Variants in GYPC observed in about 807,000 individuals in gnomAD.
The protein encoded by GYPC is glycophorin-C.
Under a neutral mutation model 12.6 loss-of-function variants are expected in GYPC, and 14 were observed. The observed-to-expected ratio is 1.11, with a 90% CI of 0.74 to 1.74. The LOEUF is 1.74. Among genes scored for constraint, GYPC ranks in the 40% most tolerant of loss-of-function variants. GYPC has a pLI of 0.00. For missense variants in GYPC, 225 were observed against 172.1 expected (o/e 1.31, Z -1.72); for synonymous variants, 78 against 62.1 (o/e 1.26, Z -1.20).
At position 126,661,455 on chromosome 2, in the gene GYPC, C is replaced by CT. The variant is rs55662976; in HGVS notation, c.49+5157dup. On this transcript the variant is annotated intron_variant, in intron 1 of 3. Coordinates refer to ENST00000259254, the MANE Select transcript of GYPC (RefSeq NM_002101.5). ...AGCCAGATGCCCCTTCTCTCTCTCTCTTTTTTTTTTTTTTGATACGGAGTT... is the reference window on the plus strand; with the variant it reads ...AGCCAGATGCCCCTTCTCTCTCTCTCTTTTTTTTTTTTTTTGATACGGAGTT... Among the ~76,000 whole-genome samples, 922 of 145,200 alleles carry CT rather than the reference C, an allele frequency of 6.3e-3. 11 individuals are homozygous for CT. The highest frequency in any genetic ancestry group is 0.017 in the South Asian group (76 of 4,558).
rs1683292218 is a variant in GYPC, at chr2:126,686,469, A to G, written c.50-3786A>G. The G allele has an allele frequency of 3.0e-6, 3 of 985,426 alleles. No homozygotes were observed. In the African/African-American group the frequency reaches 5.2e-5, roughly 17 times the overall value. 61.0% of individuals were successfully genotyped at this position (985,426 alleles called of 1,614,324 possible). ...GCCAATGGCAAATCCCATGGATGAAAAGCCACTCCCAACTCCACAAAGATG... is the reference window on the plus strand; with the variant it reads ...GCCAATGGCAAATCCCATGGATGAAGAGCCACTCCCAACTCCACAAAGATG... On this transcript the variant is annotated intron_variant, in intron 1 of 3. Coordinates refer to ENST00000259254, the MANE Select transcript of GYPC (RefSeq NM_002101.5).
rs1284829282 is a variant in GYPC at position 126,656,185 on chromosome 2, G to C, written c.-79G>C. On this transcript the variant is annotated 5_prime_UTR_variant, in exon 1 of 4. Transcript: ENST00000259254. ...TCTCGCCGCCGAGGGTCAGGAGCCC[G>C]GGAGCGCGACCCTCCCCCGGCCCGG... The C allele has an allele frequency of 6.5e-7, 1 of 1,530,254 alleles. No individual in the cohort carries two copies. 94.8% of individuals were successfully genotyped at this position (1,530,254 alleles called of 1,614,324 possible). A position where few individuals can be genotyped will look rare whatever the true frequency, so the allele number is the denominator to read the frequency against.
At chr2:126,670,050 T>C (rs554865296) in intron 1 of GYPC, among the ~76,000 whole-genome samples, 3 of 152,212 alleles carry the variant, frequency 2.0e-5, no homozygotes, top group Non-Finnish European at 4.4e-5. Context: ...CCTCCTGCCC[T>C]GAGAGCCCCA....
In GYPC at chr2:126,669,713, G is replaced by C. The variant is rs28369978; in HGVS notation, c.49+13401G>C. 2.1e-3 allele frequency among the ~76,000 whole-genome samples: 320 copies of C among 152,298 alleles called. 2 individuals are homozygous for C. Among genetic ancestry groups the C allele is most frequent in the Non-Finnish European group, 3.7e-3 (249 of 68,034 alleles). On this transcript the variant is annotated intron_variant, in intron 1 of 3. Coordinates refer to ENST00000259254, the MANE Select transcript of GYPC (RefSeq NM_002101.5). ...GAGGAAGTCAAAATGCCTCTTTCAG[G>C]ACGTGGCGGTCACAGGAGGATGAAA...
intron 1 of GYPC, among the ~76,000 whole-genome samples, chr2:126,674,049 C>T (rs934897087): frequency 2.6e-5 from 4 of 152,206 alleles, no homozygotes; most frequent in African/African-American, 7.2e-5. Flanking sequence ...GGACACAAAG[C>T]CCGGACTCAC....
At chr2:126,687,244 C>T (rs993063182) in intron 1 of GYPC, among the ~76,000 whole-genome samples, 5 of 152,104 alleles carry the variant, frequency 3.3e-5, no homozygotes, top group East Asian at 1.9e-4. Flanking sequence ...TCCTATTTGC[C>T]CTTAAAGGAC....
At chr2:126,666,285 A>G (rs1441541814) in intron 1 of GYPC, among the ~76,000 whole-genome samples, 1 of 152,174 alleles carries the variant, frequency 6.6e-6, no homozygotes, top group African/African-American at 2.4e-5. Flanking sequence ...CTCCTGGCCA[A>G]TTCCTGGAAT....
intron 1 of GYPC, among the ~76,000 whole-genome samples, chr2:126,677,057 C>T (rs1243620042): frequency 1.3e-5 from 2 of 152,184 alleles, no homozygotes; most frequent in Non-Finnish European, 2.9e-5. Context: ...AGCCAGGCTG[C>T]CACACCCTAT....
chr2:126,662,362 C>A (rs1682556968), intron 1 of GYPC, among the ~76,000 whole-genome samples: 1 of 152,202 alleles, frequency 6.6e-6, no homozygotes, highest in South Asian at 2.1e-4. Flanking sequence ...CAGGCCTTAG[C>A]AATGCTTGAA....
intron 3 of GYPC, among the ~76,000 whole-genome samples, chr2:126,695,478 G>T (rs1254681774): frequency 6.6e-6 from 1 of 152,166 alleles, no homozygotes; most frequent in Non-Finnish European, 1.5e-5. Context: ...TGGCCTGTTT[G>T]GTGTTGGTAC....
At chr2:126,687,211 C>A (rs1034513395) in intron 1 of GYPC, among the ~76,000 whole-genome samples, 2 of 152,198 alleles carry the variant, frequency 1.3e-5, no homozygotes, top group African/African-American at 4.8e-5. Flanking sequence ...GCCTGGAATG[C>A]TTATAGGCTT....
chr2:126,668,962 G>T (rs1490693497), intron 1 of GYPC, among the ~76,000 whole-genome samples: 1 of 152,314 alleles, frequency 6.6e-6, no homozygotes, highest in South Asian at 2.1e-4. Context: ...GACTTACTGC[G>T]ATTAGTTGCT....
chr2:126,694,117 T>C (rs199573583), intron 3 of GYPC, among the ~76,000 whole-genome samples, 170 bp downstream of exon 3: 3 of 152,154 alleles, frequency 2.0e-5, no homozygotes, highest in East Asian at 1.9e-4. Flanking sequence ...TGGGTAAATA[T>C]ATATATACAT....
At chr2:126,682,801 C>T (rs967459487) in intron 1 of GYPC, among the ~76,000 whole-genome samples, 3 of 152,204 alleles carry the variant, frequency 2.0e-5, no homozygotes, top group African/African-American at 7.2e-5. Flanking sequence ...TGCCTGCTGA[C>T]CCCAGACACC....
At chr2:126,664,791 C>T (rs550331456) in intron 1 of GYPC, among the ~76,000 whole-genome samples, 1 of 152,322 alleles carries the variant, frequency 6.6e-6, no homozygotes, top group Admixed American at 6.5e-5. Flanking sequence ...TGATCCTCCT[C>T]TACGTTGGCA....
intron 1 of GYPC, 99 bp downstream of exon 1, chr2:126,656,411 C>A (rs1020711272): frequency 3.9e-6 from 4 of 1,022,976 alleles, no homozygotes; most frequent in East Asian, 2.8e-5. Flanking sequence ...CCTGGTGTCC[C>A]GGTCCGTGCC....
intron 1 of GYPC, among the ~76,000 whole-genome samples, chr2:126,672,043 A>G (rs1364017377): frequency 6.6e-6 from 1 of 152,102 alleles, no homozygotes; most frequent in African/African-American, 2.4e-5. Flanking sequence ...GCCTGGTCTG[A>G]CCAAGACACA....
At chr2:126,671,445 C>T (rs1485270054) in intron 1 of GYPC, among the ~76,000 whole-genome samples, 1 of 152,240 alleles carries the variant, frequency 6.6e-6, no homozygotes, top group Non-Finnish European at 1.5e-5. Flanking sequence ...GGAGCAACCT[C>T]TCCACGCACG....
At chr2:126,667,003 A>G (rs1324217739) in intron 1 of GYPC, among the ~76,000 whole-genome samples, 1 of 152,154 alleles carries the variant, frequency 6.6e-6, no homozygotes, top group Non-Finnish European at 1.5e-5. Flanking sequence ...ATGCTTTTGA[A>G]ACTTTTTCTA....
Sources: gnomAD v4.1 joint callset for allele counts (sites outside exome capture counted in the v4.1 genomes callset) on GRCh38, gnomAD v4.1.1 for gene constraint, MANE v1.5 for transcripts, NCBI Gene and HGNC (gene_info 2026-07-23, HGNC 2026-07-21) for gene names.